Variants in SHISAL1 observed in about 807,000 individuals in gnomAD.
SHISAL1 encodes the protein protein shisa-like-1.
Under a neutral mutation model 22.6 loss-of-function variants are expected in SHISAL1, and 9 were observed. The observed-to-expected ratio is 0.40, with a 90% CI of 0.24 to 0.70. The LOEUF is 0.70. SHISAL1 is among the 30% of genes least tolerant of loss of function. SHISAL1 has a pLI of 0.39. For synonymous variants in SHISAL1, 119 were observed against 115.4 expected (o/e 1.03, Z -0.20); for missense variants, 246 against 270.6 (o/e 0.91, Z 0.64).
At chr22:44,287,510 C>A (rs2055324578) in intron 3 of SHISAL1, among the ~76,000 whole-genome samples, 1 of 152,206 alleles carries the variant, frequency 6.6e-6, no homozygotes, top group African/African-American at 2.4e-5. Context: ...TGTAATCCCA[C>A]AGCTCCCGGT....
At chr22:44,267,189 C>T (rs1278245560) in intron 4 of SHISAL1, among the ~76,000 whole-genome samples, 6 of 152,130 alleles carry the variant, frequency 3.9e-5, no homozygotes, top group Admixed American at 6.5e-5. Context: ...CTGATCCTCT[C>T]GCGGCTTCCA....
At chr22:44,291,116 T>A (rs2055349788) in intron 3 of SHISAL1, among the ~76,000 whole-genome samples, 1 of 152,240 alleles carries the variant, frequency 6.6e-6, no homozygotes. Flanking sequence ...TGGCCACTTC[T>A]GAGCAGAAGC....
intron 1 of SHISAL1, among the ~76,000 whole-genome samples, chr22:44,309,282 G>A (rs1233605086): frequency 2.6e-5 from 4 of 152,220 alleles, no homozygotes; most frequent in Admixed American, 6.5e-5. Context: ...AGTAGATTAC[G>A]TAATGATGAG....
In SHISAL1 at chr22:44,285,561, G is replaced by C. The variant is rs1357455515; in HGVS notation, c.466C>G (p.Pro156Ala). The stretch of plus-strand genomic sequence containing the variant: ...TGTGGGGCCCGCTGACCCGGCCGAG[G>C]GGCCCGAGCGGGGTTCCCCCACCGC... ...PRRWGNPARA[P>A]RPGQRAPQPQ... Residue 156 changes from proline to alanine, a missense_variant, in exon 4 of 5, where the codon CCT becomes GCT. Around this residue, in one of 2 missense-constraint regions of SHISAL1, gnomAD observed 136 missense variants for 117.5 expected, o/e 1.16. Transcript: ENST00000381176. 4 of 1,601,278 alleles carry C rather than the reference G, an allele frequency of 2.5e-6. No homozygotes were observed. Among genetic ancestry groups the C allele is most frequent in the Admixed American group, 1.7e-5 (1 of 59,708 alleles).
At position 44,273,832 on chromosome 22, in the gene SHISAL1, G is replaced by T. The variant is rs149092394; in HGVS notation, c.599+11596C>A. Among the ~76,000 whole-genome samples the T allele has an allele frequency of 9.0e-3, 1,375 of 152,196 alleles. 11 individuals are homozygous for T. Among genetic ancestry groups the T allele is most frequent in the Non-Finnish European group, 0.014 (977 of 68,002 alleles). On this transcript the variant is annotated intron_variant, in intron 4 of 4. Coordinates refer to ENST00000381176, the MANE Select transcript of SHISAL1 (RefSeq NM_001099294.2). ...GGCTTCAAACCTCAACTGTCTTGGG[G>T]GTGCAGTAAAACAAATGGGCAACTC...
chr22:44,289,632 G>A (rs908462386), intron 3 of SHISAL1, among the ~76,000 whole-genome samples: 5 of 152,180 alleles, frequency 3.3e-5, no homozygotes, highest in Non-Finnish European at 7.4e-5. Flanking sequence ...TTGCTGATTC[G>A]CCCTTCCTTG....
At chr22:44,260,057 C>T (rs369028089) in intron 4 of SHISAL1, among the ~76,000 whole-genome samples, 11 of 152,160 alleles carry the variant, frequency 7.2e-5, no homozygotes, top group Non-Finnish European at 1.0e-4. Context: ...CTGTCCACCA[C>T]GGCGCCCTCC....
chr22:44,284,613 A>G (rs971455599), intron 4 of SHISAL1, among the ~76,000 whole-genome samples: 2 of 151,600 alleles, frequency 1.3e-5, no homozygotes, highest in Admixed American at 6.6e-5. Flanking sequence ...CGAACCTCTC[A>G]CTCTAGCCCT....
intron 4 of SHISAL1, among the ~76,000 whole-genome samples, chr22:44,278,029 C>A (rs2055251933): frequency 6.6e-6 from 1 of 152,122 alleles, no homozygotes. Flanking sequence ...TTGAAGGATG[C>A]AAAGTATTGA....
chr22:44,330,313 C>G, the SHISAL1 span, among the ~76,000 whole-genome samples: 3 of 152,214 alleles, frequency 2.0e-5, no homozygotes. Flanking sequence ...GTCACACAGC[C>G]GTGGAGAGGG....
At chr22:44,319,710 G>A in the SHISAL1 span, among the ~76,000 whole-genome samples, 1 of 152,226 alleles carries the variant, frequency 6.6e-6, no homozygotes, top group African/African-American at 2.4e-5. Flanking sequence ...CTGGCTTTCG[G>A]CTCTCCTGCC....
intron 3 of SHISAL1, among the ~76,000 whole-genome samples, chr22:44,287,279 G>T (rs955987235): frequency 6.6e-6 from 1 of 152,166 alleles, no homozygotes; most frequent in African/African-American, 2.4e-5. Flanking sequence ...GGAAGATGGG[G>T]GCTGCTTCCC....
intron 1 of SHISAL1, among the ~76,000 whole-genome samples, chr22:44,302,304 C>T (rs974975160): frequency 5.0e-5 from 7 of 140,288 alleles, no homozygotes; most frequent in African/African-American, 1.6e-4. Context: ...CACGCCATTG[C>T]ACTCCAGCCT....
chr22:44,305,982 C>T (rs993960958), intron 1 of SHISAL1, among the ~76,000 whole-genome samples: 6 of 152,212 alleles, frequency 3.9e-5, no homozygotes, highest in East Asian at 1.9e-4. Flanking sequence ...AATAACCCGC[C>T]GTGCGTCACG....
chr22:44,289,466 A>ATG (rs35632126), intron 3 of SHISAL1, among the ~76,000 whole-genome samples: 60,237 of 120,850 alleles, frequency 0.5, 12,680 homozygotes, highest in East Asian at 0.66. Context: ...GTCATTGTAA[A>ATG]TGTGTGTGTG....
chr22:44,311,193 C>T (rs2055515606), intron 1 of SHISAL1, among the ~76,000 whole-genome samples: 1 of 152,184 alleles, frequency 6.6e-6, no homozygotes, highest in African/African-American at 2.4e-5. Context: ...TGGGCCGGCT[C>T]ACACCCCCTG....
chr22:44,293,111 C>T (rs1367714800), intron 3 of SHISAL1, among the ~76,000 whole-genome samples: 5 of 152,188 alleles, frequency 3.3e-5, no homozygotes, highest in African/African-American at 1.2e-4. Flanking sequence ...GAATTCTGCC[C>T]AAAAGTGCTC....
intron 4 of SHISAL1, among the ~76,000 whole-genome samples, chr22:44,282,310 C>G (rs1319373267): frequency 1.3e-5 from 2 of 152,240 alleles, no homozygotes; most frequent in Non-Finnish European, 2.9e-5. Flanking sequence ...CAGGGAACTC[C>G]TGGGCACTGA....
chr22:44,293,159 C>A (rs989507222), intron 3 of SHISAL1, among the ~76,000 whole-genome samples: 7 of 152,180 alleles, frequency 4.6e-5, no homozygotes, highest in African/African-American at 1.7e-4. Flanking sequence ...TTCTTAAACG[C>A]TGTCAGATCT....
Sources: allele counts gnomAD v4.1 joint callset (sites outside exome capture counted in the v4.1 genomes callset), GRCh38; gene constraint gnomAD v4.1.1; regional missense constraint gnomAD v4.1.1; transcripts MANE v1.5; gene names NCBI Gene and HGNC (gene_info 2026-07-23, HGNC 2026-07-21).